ABI1: variants seen among roughly 807,000 people sequenced by gnomAD.
ABI1 encodes abl interactor 1.
In ABI1, 14 loss-of-function variants were observed where a neutral mutation model predicts 54.6. That is an observed-to-expected ratio of 0.26 (90% confidence interval 0.17 to 0.40). ABI1 has a LOEUF of 0.40. Ranked by LOEUF, ABI1 falls within the 10% of genes least tolerant of loss-of-function variation. ABI1 has a pLI of 1.00. For missense variants in ABI1, 443 were observed against 598.3 expected, an observed-to-expected ratio of 0.74 and a Z score of 2.71; for synonymous variants, 194 against 209.3, an observed-to-expected ratio of 0.93 and a Z score of 0.63.
At chr10:26,846,337 CTTTTCT>C (rs1416659435) in intron 1 of ABI1, among the ~76,000 whole-genome samples, 4 of 139,034 alleles carry the variant, frequency 2.9e-5, no homozygotes, top group Non-Finnish European at 6.1e-5. Context: ...CTTTCTTTCT[CTTTTCT>C]TTTTTTTTTT....
chr10:26,792,582 A>T (rs896496692), intron 2 of ABI1, among the ~76,000 whole-genome samples: 2 of 152,204 alleles, frequency 1.3e-5, no homozygotes, highest in Non-Finnish European at 2.9e-5. Flanking sequence ...AAATTAGGAG[A>T]CCAAATTTGA....
intron 1 of ABI1, among the ~76,000 whole-genome samples, chr10:26,845,277 T>C (rs1482576318): frequency 6.6e-6 from 1 of 152,226 alleles, no homozygotes; most frequent in African/African-American, 2.4e-5. Context: ...CATTTAACTA[T>C]ACATACTATA....
chr10:26,857,593 A>G (rs572581128), intron 1 of ABI1, among the ~76,000 whole-genome samples: 1 of 149,064 alleles, frequency 6.7e-6, no homozygotes, highest in African/African-American at 2.5e-5. Context: ...GCAGTAAGCC[A>G]TGATGGCATC....
chr10:26,858,658 T>C (rs2134381377), intron 1 of ABI1, among the ~76,000 whole-genome samples: 1 of 151,372 alleles, frequency 6.6e-6, no homozygotes, highest in South Asian at 2.1e-4. Flanking sequence ...ATTAGAGATA[T>C]TAGCAATGAA....
chr10:26,841,475 T>C (rs1460508807), intron 1 of ABI1, among the ~76,000 whole-genome samples: 1 of 150,766 alleles, frequency 6.6e-6, no homozygotes, highest in Admixed American at 6.7e-5. Context: ...ATTCCAAATA[T>C]AGTACAATTT....
rs77019836 is a variant in ABI1 at position 26,830,371 on chromosome 10, C to T, written c.118-7066G>A. Among the ~76,000 whole-genome samples, 757 of 152,216 alleles carry T rather than the reference C, an allele frequency of 5.0e-3. 5 individuals carry two copies. Among genetic ancestry groups the T allele is most frequent in the Middle Eastern group, 0.014 (4 of 294 alleles). Reference sequence around the variant, plus strand: ...GCATGGGGGCTCATGACTGTAATCTCAGCATTTTGGGAGGTCATGGCGAGA... The same window carrying T: ...GCATGGGGGCTCATGACTGTAATCTTAGCATTTTGGGAGGTCATGGCGAGA... On this transcript the variant is annotated intron_variant, in intron 1 of 10. Coordinates refer to ENST00000376140, the MANE Select transcript of ABI1 (RefSeq NM_001012750.3).
Position 26,747,265 on chromosome 10 carries a change from CACAAG to C in ABI1, c.*1300_*1304del, listed in dbSNP as rs1294415183. On this transcript the variant is annotated 3_prime_UTR_variant, in exon 11 of 11. Coordinates refer to ENST00000376140, the MANE Select transcript of ABI1 (RefSeq NM_001012750.3). ...ATATCCTAAGCAATAGAGAATTATA[CACAAG>C]ACAAGAAGAGAAAACATCCCTCAGC... The C allele has an allele frequency of 8.9e-6, 2 of 224,768 alleles. No homozygotes were observed. The highest frequency in any genetic ancestry group is 6.4e-5 in the East Asian group (1 of 15,516). 13.9% of individuals were successfully genotyped at this position (224,768 alleles called of 1,614,324 possible). A position where few individuals can be genotyped will look rare whatever the true frequency, so the allele number is the denominator to read the frequency against.
intron 2 of ABI1, among the ~76,000 whole-genome samples, chr10:26,786,184 G>A (rs928690463): frequency 3.3e-5 from 5 of 151,494 alleles, no homozygotes; most frequent in African/African-American, 1.2e-4. Flanking sequence ...GTTACAAAAC[G>A]TAAAGAGCCC....
chr10:26,783,588 T>C (rs1195484772), intron 2 of ABI1, among the ~76,000 whole-genome samples: 1 of 152,244 alleles, frequency 6.6e-6, no homozygotes, highest in East Asian at 1.9e-4. Flanking sequence ...GAACATCTCC[T>C]GGCCACTTGG....
intron 1 of ABI1, among the ~76,000 whole-genome samples, chr10:26,845,826 T>C (rs1398843105): frequency 6.6e-6 from 1 of 151,862 alleles, no homozygotes; most frequent in Admixed American, 6.6e-5. Context: ...CAGTCTACCA[T>C]GATGAGTTCA....
At chr10:26,759,879 T>C (rs1838888009) in intron 7 of ABI1, among the ~76,000 whole-genome samples, 2 of 152,098 alleles carry the variant, frequency 1.3e-5, no homozygotes, top group African/African-American at 2.4e-5. Flanking sequence ...AGCACTTTCA[T>C]GTAATGTCAG....
intron 2 of ABI1, among the ~76,000 whole-genome samples, chr10:26,803,613 T>C (rs906648808): frequency 6.6e-6 from 1 of 152,236 alleles, no homozygotes; most frequent in African/African-American, 2.4e-5. Context: ...AGTGATCACA[T>C]TAAGTCATCT....
intron 2 of ABI1, among the ~76,000 whole-genome samples, chr10:26,781,578 G>A (rs556734425): frequency 6.6e-4 from 101 of 152,252 alleles, no homozygotes; most frequent in African/African-American, 2.3e-3. Flanking sequence ...TTTGTTCCAC[G>A]GGCAAAACTC....
At chr10:26,759,897 G>A (rs1357629894) in intron 7 of ABI1, among the ~76,000 whole-genome samples, 8 of 151,794 alleles carry the variant, frequency 5.3e-5, no homozygotes. Flanking sequence ...CAGATTTGTT[G>A]TAGATCTCCA....
In ABI1 at chr10:26,777,141, T is replaced by A. The variant is rs1185162602; in HGVS notation, c.386A>T (p.Asn129Ile). ...SRTHKIIAPA[N>I]MERPVRYIRK... ...AATATACCTTACAGGGCGCTCCATA[T>A]TCGCAGGTGCTATTATTTTGTGAGT... Residue 129 changes from asparagine (N) to isoleucine (I), a missense_variant, in exon 3 of 11, where the codon AAT becomes ATT. By Grantham distance (149) the Asn-to-Ile change is moderately radical. Transcript: ENST00000376140. 6.2e-7 allele frequency: 1 copy of A among 1,614,034 alleles called. No homozygotes were observed. Among genetic ancestry groups the A allele is most frequent in the South Asian group, 1.1e-5 (1 of 91,082 alleles).
At position 26,759,043 on chromosome 10, in the gene ABI1, C is replaced by A; in HGVS notation, c.997+19G>T. 6.2e-7 allele frequency: 1 copy of A among 1,608,488 alleles called. No individual in the cohort carries two copies. ...AAGGAGCTCCACTGTTGCTGTATGC[C>A]TGCAAAGCACAAGCTTACTTGAATT... On this transcript the variant is annotated intron_variant, in intron 8 of 10. Transcript: ENST00000376140.
intron 9 of ABI1, among the ~76,000 whole-genome samples, chr10:26,752,736 G>C (rs560946097): frequency 4.4e-4 from 67 of 152,132 alleles, no homozygotes; most frequent in African/African-American, 1.5e-3. Context: ...CAGGGAAATG[G>C]GAAAATGTCA....
chr10:26,822,405 AT>A (rs34376383), intron 2 of ABI1, among the ~76,000 whole-genome samples: 35,111 of 152,060 alleles, frequency 0.23, 4,598 homozygotes, highest in African/African-American at 0.35. Context: ...CCACACAAAG[AT>A]TTGCATACAA....
At chr10:26,761,627 T>TC (rs1839189226) in intron 7 of ABI1, among the ~76,000 whole-genome samples, 1 of 76,638 alleles carries the variant, frequency 1.3e-5, no homozygotes, top group African/African-American at 5.5e-5. Context: ...CATATATATA[T>TC]ATATATATAT....
Sources: allele counts gnomAD v4.1 joint callset (sites outside exome capture counted in the v4.1 genomes callset), GRCh38; gene constraint gnomAD v4.1.1; transcripts MANE v1.5; gene names NCBI Gene and HGNC (gene_info 2026-07-23, HGNC 2026-07-21).